Variants in CDH1 observed in about 807,000 individuals in gnomAD.
CDH1 encodes the protein cadherin-1.
A neutral mutation model predicts 84.5 loss-of-function variants in CDH1; 35 were observed. The ratio of observed to expected loss-of-function variants is 0.41; its 90% CI spans 0.32 to 0.55. CDH1 has a LOEUF of 0.55. Among genes scored for constraint, CDH1 ranks in the 20% least tolerant of loss-of-function variants. The pLI, the probability that CDH1 is intolerant of heterozygous loss-of-function variation, is 0.19. For synonymous variants in CDH1, 417 were observed against 439.0 expected, an observed-to-expected ratio of 0.95 and a Z score of 0.63; for missense variants, 994 against 1,126.6, an observed-to-expected ratio of 0.88 and a Z score of 1.68.
rs2152137045 is a variant in CDH1, at chr16:68,819,442, T to C, written c.1711+17T>C. The C allele has an allele frequency of 6.2e-7, 1 of 1,612,700 alleles. No individual in the cohort carries two copies. Among genetic ancestry groups the C allele is most frequent in the Non-Finnish European group, 8.5e-7 (1 of 1,179,790 alleles). Reference sequence around the variant, plus strand: ...CAGACAATGGTAAGGGGGCCTCATCTGAGCCTTTGCTGCCTCGACCTCCTA... The same window carrying C: ...CAGACAATGGTAAGGGGGCCTCATCCGAGCCTTTGCTGCCTCGACCTCCTA... On this transcript the variant is annotated intron_variant, in intron 11 of 15. Coordinates refer to ENST00000261769, the MANE Select transcript of CDH1 (RefSeq NM_004360.5).
chr16:68,796,763 T>C (rs181290752), intron 2 of CDH1, among the ~76,000 whole-genome samples: 22 of 134,636 alleles, frequency 1.6e-4, no homozygotes, highest in Admixed American at 1.5e-3. Context: ...GTTTTTGTCA[T>C]GAAAAAAAAA....
Position 68,779,415 on chromosome 16 carries a change from T to G in CDH1, c.164-22255T>G, listed in dbSNP as rs374641006. ...TTCAATTCCCAGCTCTGCTGTGTGC[T>G]GTTATAGCTACGTGGCCTTGGGCAA... On this transcript the variant is annotated intron_variant, in intron 2 of 15. Transcript: ENST00000261769. Among the ~76,000 whole-genome samples the G allele has an allele frequency of 1.2e-4, 18 of 152,386 alleles. No individual in the cohort carries two copies. In the East Asian group the frequency reaches 1.9e-3, roughly 16 times the overall value.
intron 10 of CDH1, among the ~76,000 whole-genome samples, chr16:68,818,108 C>T (rs895191129): frequency 5.9e-5 from 9 of 151,344 alleles, no homozygotes; most frequent in Middle Eastern, 3.4e-3. Flanking sequence ...GGCGTGGTGG[C>T]GGGTGCCTGT....
At chr16:68,768,748 C>T (rs977433494) in intron 2 of CDH1, among the ~76,000 whole-genome samples, 3 of 152,072 alleles carry the variant, frequency 2.0e-5, no homozygotes, top group Non-Finnish European at 2.9e-5. Context: ...ATATCACCAC[C>T]GGGGAACATT....
At chr16:68,743,593 G>A (rs533810566) in intron 2 of CDH1, among the ~76,000 whole-genome samples, 1 of 151,792 alleles carries the variant, frequency 6.6e-6, no homozygotes, top group Non-Finnish European at 1.5e-5. Flanking sequence ...TTGAACTCCT[G>A]AGCTCAAAGT....
chr16:68,825,175 C>G (rs1039438721), intron 13 of CDH1, among the ~76,000 whole-genome samples: 2 of 152,144 alleles, frequency 1.3e-5, no homozygotes, highest in African/African-American at 4.8e-5. Context: ...AAGGGGTGGT[C>G]CAGCTCATGA....
rs1960850409 is a variant in CDH1, at chr16:68,812,024, G to A, written c.1009-111G>A. 3.2e-6 allele frequency: 5 copies of A among 1,549,602 alleles called. No individual in the cohort carries two copies. In the South Asian group the frequency reaches 4.5e-5, roughly 14 times the overall value. On this transcript the variant is annotated intron_variant, in intron 7 of 15. Transcript: ENST00000261769. The stretch of plus-strand genomic sequence containing the variant: ...AGGTTCCGTGCCTAGAAGACAGGCA[G>A]GCTGGCATGAAGCACATGGTTAAAT...
rs536293110 is a variant in CDH1, at chr16:68,811,069, C to G, written c.833-615C>G. On this transcript the variant is annotated intron_variant, in intron 6 of 15. Transcript: ENST00000261769. ...GTACCTTAAAGCCCTAAACAATCCC[C>G]CTTGGTCACATTCTTTTCTCTCCTC... Among the ~76,000 whole-genome samples, 4 of 151,958 alleles carry G rather than the reference C, an allele frequency of 2.6e-5. No homozygotes were observed. The East Asian group carries it at 7.8e-4, about 29-fold the overall frequency.
intron 6 of CDH1, 52 bp from the exon 7 acceptor site, chr16:68,811,632 C>T (rs1960831810): frequency 2.6e-6 from 4 of 1,530,424 alleles, no homozygotes; most frequent in South Asian, 2.2e-5. Flanking sequence ...CAGTATTGAC[C>T]CAGTCCCAAA....
chr16:68,808,949 G>A, intron 5 of CDH1, 101 bp downstream of exon 5: 4 of 1,122,070 alleles, frequency 3.6e-6, no homozygotes, highest in Non-Finnish European at 5.3e-6. Context: ...CTGAACACAT[G>A]AGGAGCTTAA....
At position 68,737,424 on chromosome 16, in the gene CDH1, T is replaced by C. The variant is rs935070259; in HGVS notation, c.9T>C (p.Pro3=). The change falls in exon 1 of 16, where the codon CCT becomes CCC. Residue 3 remains proline, a synonymous_variant. Transcript: ENST00000261769. The part of the protein sequence containing the change: MG[P]WSRSLSALLL... ...GGCGTCCCCGGCCAGCCATGGGCCC[T>C]TGGAGCCGCAGCCTCTCGGCGCTGC... The C allele has an allele frequency of 2.0e-6, 3 of 1,534,030 alleles. No individual in the cohort carries two copies. The highest frequency in any genetic ancestry group is 2.0e-5 in the Admixed American group (1 of 51,102).
intron 1 of CDH1, 150 bp from the exon 2 acceptor site, chr16:68,738,147 A>T (rs1276465354): frequency 1.7e-6 from 1 of 598,890 alleles, no homozygotes. Flanking sequence ...GGGGAGGGTG[A>T]CGTCGCTGCC....
At chr16:68,811,880 A>C in intron 7 of CDH1, 21 bp downstream of exon 7, 4 of 1,613,630 alleles carry the variant, frequency 2.5e-6, no homozygotes, top group Non-Finnish European at 3.4e-6. Context: ...AGGAGGATCC[A>C]GAGGGTGTGG....
rs568196928 is a variant in CDH1, at chr16:68,785,472, G to C, written c.164-16198G>C. On this transcript the variant is annotated intron_variant, in intron 2 of 15. Transcript: ENST00000261769. ...TTCCCAAAGTGCTGGGATTATAGGC[G>C]TGAGCCACTATGCCTGACCAAGACA... 2.8e-3 allele frequency among the ~76,000 whole-genome samples: 432 copies of C among 152,230 alleles called. 4 individuals are homozygous for C. Among genetic ancestry groups the C allele is most frequent in the African/African-American group, 0.01 (420 of 41,540 alleles).
chr16:68,747,085 C>A (rs1235903912), intron 2 of CDH1, among the ~76,000 whole-genome samples: 1 of 152,158 alleles, frequency 6.6e-6, no homozygotes, highest in Non-Finnish European at 1.5e-5. Flanking sequence ...CCAAGAGAGA[C>A]CTCTCAGCAG....
intron 3 of CDH1, among the ~76,000 whole-genome samples, chr16:68,802,797 C>T (rs1237744855): frequency 6.6e-6 from 1 of 152,036 alleles, no homozygotes; most frequent in Non-Finnish European, 1.5e-5. Context: ...GATCATTTTG[C>T]TTTTTGTGCT....
intron 2 of CDH1, among the ~76,000 whole-genome samples, chr16:68,788,946 G>A (rs931728445): frequency 5.3e-5 from 8 of 152,022 alleles, no homozygotes; most frequent in South Asian, 2.1e-4. Context: ...CGGAGGTTGC[G>A]GTAATCTGAG....
At position 68,810,273 on chromosome 16, in the gene CDH1, A is replaced by G. The variant is rs2152131091; in HGVS notation, c.764A>G (p.Gln255Arg). Residue 255 changes from glutamine (Q) to arginine (R), a missense_variant, in exon 6 of 16, where the codon CAG becomes CGG. By Grantham distance (43) the Gln-to-Arg change is conservative (BLOSUM62 1). Transcript: ENST00000261769. The stretch of plus-strand genomic sequence containing the variant: ...GAGATTTTGATCACGGTAACCGATC[A>G]GAATGACAACAAGCCCGAATTCACC... ...PMEILITVTD[Q>R]NDNKPEFTQE... The G allele has an allele frequency of 1.2e-6, 2 of 1,614,194 alleles. No homozygotes were observed. The highest frequency in any genetic ancestry group is 1.7e-6 in the Non-Finnish European group (2 of 1,180,000).
intron 7 of CDH1, 101 bp downstream of exon 7, chr16:68,811,960 C>G (rs1294676097): frequency 6.8e-7 from 1 of 1,464,858 alleles, no homozygotes; most frequent in Non-Finnish European, 9.5e-7. Context: ...TCAGTTAATA[C>G]AGTGATGGTC....
Sources: gnomAD v4.1 joint callset for allele counts (sites outside exome capture counted in the v4.1 genomes callset) on GRCh38, gnomAD v4.1.1 for gene constraint, MANE v1.5 for transcripts, NCBI Gene and HGNC (gene_info 2026-07-23, HGNC 2026-07-21) for gene names.